Variants in PCDHA5 observed in about 807,000 individuals in gnomAD.
The protein encoded by PCDHA5 is protocadherin alpha 5, also known as protocadherin alpha-5.
PCDHA5 carries 43 observed loss-of-function variants against 61.6 expected under a neutral mutation model. That is an observed-to-expected ratio of 0.70 (90% CI 0.55 to 0.90). The LOEUF is 0.90. PCDHA5 is among the 40% of genes least tolerant of loss of function. The pLI, the probability that PCDHA5 is intolerant of heterozygous loss-of-function variation, is 0.00. For synonymous variants in PCDHA5, 627 were observed against 543.9 expected (o/e 1.15, Z -2.13); for missense variants, 1,298 against 1,222.7 (o/e 1.06, Z -0.92).
chr5:140,900,644 C>G (rs1554189317), intron 1 of PCDHA5, among the ~76,000 whole-genome samples: 1 of 152,180 alleles, frequency 6.6e-6, no homozygotes. Context: ...ATTGTGAACA[C>G]TGCTGCAATG....
intron 1 of PCDHA5, among the ~76,000 whole-genome samples, chr5:140,911,856 T>C (rs1252396387): frequency 6.6e-6 from 1 of 152,184 alleles, no homozygotes; most frequent in Non-Finnish European, 1.5e-5. Context: ...TCCTTAATAG[T>C]CTGTTCTTCT....
At chr5:140,955,989 A>C (rs2095245782) in intron 1 of PCDHA5, among the ~76,000 whole-genome samples, 1 of 152,172 alleles carries the variant, frequency 6.6e-6, no homozygotes, top group Non-Finnish European at 1.5e-5. Flanking sequence ...ATTTTTGCAC[A>C]TTGATTTTGT....
At chr5:140,832,306 A>C (rs1050909955) in intron 1 of PCDHA5, among the ~76,000 whole-genome samples, 2 of 152,188 alleles carry the variant, frequency 1.3e-5, no homozygotes, top group East Asian at 3.8e-4. Context: ...CCACATTTAA[A>C]AGTTGCTTAA....
intron 3 of PCDHA5, among the ~76,000 whole-genome samples, chr5:140,990,637 C>A (rs2097404568): frequency 6.6e-6 from 1 of 152,154 alleles, no homozygotes; most frequent in South Asian, 2.1e-4. Flanking sequence ...AGACTAGAAG[C>A]CTCAGCCAGT....
chr5:140,853,171 G>A lies in PCDHA5; in HGVS notation c.2352+29044G>A, dbSNP rs2150529478. On this transcript the variant is annotated intron_variant, in intron 1 of 3. Coordinates refer to ENST00000529859, the MANE Select transcript of PCDHA5 (RefSeq NM_018908.3). ...TGGGATTACAGGCGTGAGCCACCGC[G>A]CCTGGCCTAAAATGTGTTCTTTATT... 22 of 965,136 alleles carry A rather than the reference G, an allele frequency of 2.3e-5. 1 individual carries two copies. Among genetic ancestry groups the A allele is most frequent in the Non-Finnish European group, 2.4e-5 (19 of 799,766 alleles). 59.8% of individuals were successfully genotyped at this position (965,136 alleles called of 1,614,324 possible).
At chr5:140,963,437 A>G (rs1218824827) in intron 1 of PCDHA5, among the ~76,000 whole-genome samples, 2 of 152,144 alleles carry the variant, frequency 1.3e-5, no homozygotes, top group African/African-American at 4.8e-5. Context: ...CTAACTTCAT[A>G]CTCTGTTGCT....
intron 1 of PCDHA5, chr5:140,848,438 T>C: frequency 6.8e-7 from 1 of 1,477,490 alleles, no homozygotes; most frequent in Non-Finnish European, 9.2e-7. Flanking sequence ...CGAAATCAGA[T>C]GATTTCTTCT....
chr5:140,920,804 A>G (rs2079833395), intron 1 of PCDHA5, among the ~76,000 whole-genome samples: 1 of 151,364 alleles, frequency 6.6e-6, no homozygotes, highest in South Asian at 2.1e-4. Context: ...AGATCACGCC[A>G]CTGCACTCCA....
chr5:140,825,145 T>A (rs1768461480), intron 1 of PCDHA5: 2 of 151,846 alleles, frequency 1.3e-5, no homozygotes, highest in African/African-American at 4.8e-5. Flanking sequence ...ATATGAGTAT[T>A]GATTTTAATC....
At chr5:140,961,981 T>G (rs1408145304) in intron 1 of PCDHA5, among the ~76,000 whole-genome samples, 1 of 152,076 alleles carries the variant, frequency 6.6e-6, no homozygotes, top group African/African-American at 2.4e-5. Context: ...CCTCCTGGGT[T>G]CACGCCATTG....
chr5:140,988,500 C>T (rs1340106461), intron 3 of PCDHA5, among the ~76,000 whole-genome samples: 1 of 152,116 alleles, frequency 6.6e-6, no homozygotes, highest in Non-Finnish European at 1.5e-5. Flanking sequence ...TAGGAGAAGC[C>T]ATGAAGCTTA....
intron 3 of PCDHA5, among the ~76,000 whole-genome samples, chr5:140,991,357 T>G (rs1409351374): frequency 2.6e-5 from 4 of 152,258 alleles, no homozygotes; most frequent in African/African-American, 9.6e-5. Flanking sequence ...AAAGACTATT[T>G]ACTGTCTGAG....
rs201090787 is a variant in PCDHA5, at chr5:140,876,840, G to A, written c.2352+52713G>A. On this transcript the variant is annotated intron_variant, in intron 1 of 3. Coordinates refer to ENST00000529859, the MANE Select transcript of PCDHA5 (RefSeq NM_018908.3). Reference sequence around the variant, plus strand: ...TGAACGACAATGCGCCTGCGTTCGCGCAGCCCGAGTACACAGTGTTCGTGA... The same window carrying A: ...TGAACGACAATGCGCCTGCGTTCGCACAGCCCGAGTACACAGTGTTCGTGA... 2.5e-6 allele frequency: 4 copies of A among 1,614,166 alleles called. No homozygotes were observed. In the East Asian group the frequency reaches 6.7e-5, roughly 27 times the overall value.
intron 1 of PCDHA5, among the ~76,000 whole-genome samples, chr5:140,923,225 AGCCCAGAAG>A (rs2081250184): frequency 4.2e-5 from 3 of 71,942 alleles, no homozygotes; most frequent in Admixed American, 3.0e-4. Flanking sequence ...GGATCGTTTG[AGCCCAGAAG>A]TTTGAGACCA....
intron 1 of PCDHA5, chr5:140,875,283 C>G (rs1554167582): frequency 7.3e-7 from 1 of 1,362,346 alleles, no homozygotes; most frequent in Non-Finnish European, 9.6e-7. Context: ...GAAGGTGAAA[C>G]AGGAAAATTT....
chr5:140,971,902 T>G (rs1554233695), intron 1 of PCDHA5, among the ~76,000 whole-genome samples: 2 of 152,280 alleles, frequency 1.3e-5, no homozygotes, highest in Admixed American at 1.3e-4. Flanking sequence ...GGTTAGGTAA[T>G]CTACACAGCC....
Position 140,853,581 on chromosome 5 carries a change from C to T in PCDHA5, c.2352+29454C>T, listed in dbSNP as rs765816845. ...GAAAAACTAAGTTGTCACCCAATAT[C>T]TTAGACACTTTGAGAGCAAAGGGGG... On this transcript the variant is annotated intron_variant, in intron 1 of 3. Transcript: ENST00000529859. 6.1e-4 allele frequency: 602 copies of T among 984,310 alleles called. 55 individuals are homozygous for T. Among genetic ancestry groups the T allele is most frequent in the Non-Finnish European group, 6.9e-4 (563 of 816,746 alleles). 61.0% of individuals were successfully genotyped at this position (984,310 alleles called of 1,614,324 possible).
intron 1 of PCDHA5, among the ~76,000 whole-genome samples, chr5:140,944,533 AG>A (rs1276351803): frequency 6.6e-6 from 1 of 152,148 alleles, no homozygotes; most frequent in Non-Finnish European, 1.5e-5. Flanking sequence ...AAATGATTTA[AG>A]TATTTAAAGA....
chr5:140,902,225 A>G (rs1454445915), intron 1 of PCDHA5, among the ~76,000 whole-genome samples: 1 of 114,610 alleles, frequency 8.7e-6, no homozygotes, highest in African/African-American at 3.5e-5. Context: ...TTTTTTTGAG[A>G]TGAGGACTTG....
Sources: allele counts gnomAD v4.1 joint callset (sites outside exome capture counted in the v4.1 genomes callset), GRCh38; gene constraint gnomAD v4.1.1; transcripts MANE v1.5; gene names NCBI Gene and HGNC (gene_info 2026-07-23, HGNC 2026-07-21).